GRIP1: variants seen among roughly 807,000 people sequenced by gnomAD.
GRIP1 encodes the protein glutamate receptor-interacting protein 1.
A neutral mutation model predicts 129.9 loss-of-function variants in GRIP1; 45 were observed. The observed-to-expected ratio is 0.35, with a 90% CI of 0.27 to 0.44. The LOEUF (loss-of-function observed/expected upper bound fraction) is 0.44, where lower values mean the gene tolerates loss of function less well. Among genes scored for constraint, GRIP1 ranks in the 20% least tolerant of loss-of-function variants. The pLI is 1.00. For missense variants in GRIP1, 1,196 were observed against 1,396.8 expected (o/e 0.86, Z 2.29); for synonymous variants, 530 against 520.8 (o/e 1.02, Z -0.24).
intron 1 of GRIP1, among the ~76,000 whole-genome samples, chr12:66,879,617 G>T (rs1051987349): frequency 6.6e-6 from 1 of 151,966 alleles, no homozygotes; most frequent in African/African-American, 2.4e-5. Context: ...AAGCTGAACA[G>T]CAAAGGAGGG....
At chr12:66,466,775 A>G (rs2059298969) in intron 7 of GRIP1, among the ~76,000 whole-genome samples, 1 of 152,166 alleles carries the variant, frequency 6.6e-6, no homozygotes, top group Non-Finnish European at 1.5e-5. Context: ...AAGACTGCAT[A>G]TTGGTCTGTA....
chr12:66,359,951 C>T (rs904820267), intron 23 of GRIP1, among the ~76,000 whole-genome samples: 1 of 152,188 alleles, frequency 6.6e-6, no homozygotes, highest in African/African-American at 2.4e-5. Flanking sequence ...TAAGTTCATA[C>T]TTCCCCCTAC....
chr12:66,433,364 A>G (rs1371207300), intron 13 of GRIP1, among the ~76,000 whole-genome samples: 1 of 152,204 alleles, frequency 6.6e-6, no homozygotes, highest in Non-Finnish European at 1.5e-5. Flanking sequence ...AGCAGATTCC[A>G]ACTACATTAA....
chr12:66,927,803 C>A (rs2041320152), intron 1 of GRIP1, among the ~76,000 whole-genome samples: 1 of 152,190 alleles, frequency 6.6e-6, no homozygotes, highest in Non-Finnish European at 1.5e-5. Context: ...TATTCCCAAA[C>A]CCAATGCTAA....
rs781619794 is a variant in GRIP1, at chr12:66,462,912, G to A, written c.1042+12C>T. On this transcript the variant is annotated intron_variant, in intron 9 of 24. Transcript: ENST00000359742. Reference sequence around the variant, plus strand: ...GCCAGAGAAAGAGCTTGATCCAGGTGGACCATCTCACCATGGTCGGGCCCC... The same window carrying A: ...GCCAGAGAAAGAGCTTGATCCAGGTAGACCATCTCACCATGGTCGGGCCCC... The A allele has an allele frequency of 1.2e-6, 2 of 1,606,324 alleles. No individual in the cohort carries two copies. Among genetic ancestry groups the A allele is most frequent in the African/African-American group, 1.3e-5 (1 of 74,868 alleles).
chr12:66,919,812 G>A (rs945047775), intron 1 of GRIP1, among the ~76,000 whole-genome samples: 4 of 152,082 alleles, frequency 2.6e-5, no homozygotes, highest in African/African-American at 9.7e-5. Flanking sequence ...TAAAGAGCTG[G>A]AGATACGTTA....
chr12:66,865,039 T>A (rs1323815726), intron 1 of GRIP1, among the ~76,000 whole-genome samples: 3 of 152,134 alleles, frequency 2.0e-5, no homozygotes, highest in African/African-American at 7.2e-5. Flanking sequence ...AGTTAATTTT[T>A]AAATTAGAAG....
intron 1 of GRIP1, among the ~76,000 whole-genome samples, chr12:66,970,035 G>A (rs1397199512): frequency 6.6e-6 from 1 of 152,098 alleles, no homozygotes; most frequent in Non-Finnish European, 1.5e-5. Context: ...ATCTGAGTCT[G>A]GTTCTGACGC....
At chr12:67,035,453 T>G (rs115986777) in intron 1 of GRIP1, 4 of 152,190 alleles carry the variant, frequency 2.6e-5, no homozygotes, top group Non-Finnish European at 5.9e-5. Flanking sequence ...CTGAGTAGTA[T>G]TTTATCAGGC....
At chr12:66,418,090 A>G (rs1358405909) in intron 15 of GRIP1, among the ~76,000 whole-genome samples, 1 of 152,204 alleles carries the variant, frequency 6.6e-6, no homozygotes, top group Non-Finnish European at 1.5e-5. Context: ...AAAAACACAC[A>G]TATAGACCAA....
intron 1 of GRIP1, among the ~76,000 whole-genome samples, chr12:66,713,692 CAT>C (rs1400656669): frequency 6.6e-6 from 1 of 152,046 alleles, no homozygotes; most frequent in Non-Finnish European, 1.5e-5. Flanking sequence ...CCTTCTCTCT[CAT>C]AGAGTTAATT....
At position 66,605,766 on chromosome 12, in the gene GRIP1, G is replaced by A. The variant is rs541431770; in HGVS notation, c.56-8839C>T. Among the ~76,000 whole-genome samples the A allele has an allele frequency of 1.6e-4, 25 of 152,132 alleles. No individual in the cohort carries two copies. In the South Asian group the frequency reaches 3.3e-3, roughly 20 times the overall value. ...GTAAATTGATACATGTCAACTGCAG[G>A]CAAATTATATAAATAATTGATCAGA... On this transcript the variant is annotated intron_variant, in intron 1 of 24. Transcript: ENST00000359742.
intron 1 of GRIP1, among the ~76,000 whole-genome samples, chr12:66,617,892 G>A (rs932392762): frequency 6.6e-6 from 1 of 151,740 alleles, no homozygotes; most frequent in East Asian, 1.9e-4. Context: ...AGGCTGTGGG[G>A]AAACTTACTC....
At chr12:66,437,312 G>A (rs2058339150) in intron 13 of GRIP1, among the ~76,000 whole-genome samples, 1 of 152,190 alleles carries the variant, frequency 6.6e-6, no homozygotes, top group Non-Finnish European at 1.5e-5. Flanking sequence ...GATACTAGTA[G>A]GTTGGTAATG....
At chr12:66,875,801 C>T (rs2040372850) in intron 1 of GRIP1, among the ~76,000 whole-genome samples, 1 of 151,942 alleles carries the variant, frequency 6.6e-6, no homozygotes, top group Admixed American at 6.6e-5. Context: ...CTTAAGCCTG[C>T]CAAGCATAAA....
chr12:66,796,841 T>G (rs2038714063), intron 1 of GRIP1, among the ~76,000 whole-genome samples: 1 of 152,212 alleles, frequency 6.6e-6, no homozygotes, highest in African/African-American at 2.4e-5. Context: ...TTTACAATAT[T>G]ATTAATTATG....
chr12:66,600,349 T>C (rs957464695), intron 1 of GRIP1, among the ~76,000 whole-genome samples: 2 of 152,106 alleles, frequency 1.3e-5, no homozygotes, highest in South Asian at 4.1e-4. Context: ...CATCCAGATA[T>C]ATAAACGAAC....
At chr12:66,531,825 A>G (rs2061472574) in intron 4 of GRIP1, among the ~76,000 whole-genome samples, 1 of 152,108 alleles carries the variant, frequency 6.6e-6, no homozygotes, top group Non-Finnish European at 1.5e-5. Context: ...GTAAGTGAGG[A>G]AAGGAAAGGA....
At chr12:66,784,705 A>G (rs2038265466) in intron 1 of GRIP1, among the ~76,000 whole-genome samples, 1 of 152,054 alleles carries the variant, frequency 6.6e-6, no homozygotes, top group African/African-American at 2.4e-5. Context: ...TTTAAAAACT[A>G]CTCCCTGGTC....
Sources: gnomAD v4.1 joint callset for allele counts (sites outside exome capture counted in the v4.1 genomes callset) on GRCh38, gnomAD v4.1.1 for gene constraint, MANE v1.5 for transcripts, NCBI Gene and HGNC (gene_info 2026-07-23, HGNC 2026-07-21) for gene names.